The following PTPRN2 variants were observed in gnomAD, a reference collection of about 807,000 sequenced individuals.
PTPRN2 encodes receptor-type tyrosine-protein phosphatase N2.
PTPRN2 carries 74 observed loss-of-function variants against 118.8 expected under a neutral mutation model. That is an observed-to-expected ratio of 0.62 (90% CI 0.52 to 0.76). The LOEUF (loss-of-function observed/expected upper bound fraction) is 0.76. Among genes scored for constraint, PTPRN2 ranks in the 30% least tolerant of loss-of-function variants. PTPRN2 has a pLI of 0.00. For synonymous variants in PTPRN2, 641 were observed against 608.0 expected, an observed-to-expected ratio of 1.05 and a Z score of -0.80; for missense variants, 1,481 against 1,394.4, an observed-to-expected ratio of 1.06 and a Z score of -0.99.
rs1295930942 is a variant in PTPRN2, at chr7:157,974,885, TCAGG to T, written c.1724-76152_1724-76149del. On this transcript the variant is annotated intron_variant, in intron 11 of 22. Transcript: ENST00000389418. This position sits in a 1 kb window ranked among gnomAD's most constrained non-coding sequence, Gnocchi z 4.0. The stretch of plus-strand genomic sequence containing the variant: ...GGTGCCCACGTCCATCCCCAGCCCC[TCAGG>T]CATGTTCACCATCATGGCGCACATG... 1.3e-5 allele frequency among the ~76,000 whole-genome samples: 2 copies of T among 152,008 alleles called. No individual in the cohort carries two copies. Among genetic ancestry groups the T allele is most frequent in the East Asian group, 3.9e-4 (2 of 5,190 alleles).
chr7:157,921,387 T>C (rs6459817), intron 11 of PTPRN2, among the ~76,000 whole-genome samples: 83,590 of 152,052 alleles, frequency 0.55, 23,410 homozygotes, highest in Admixed American at 0.65. Flanking sequence ...CTCTGTTTGA[T>C]GCTATGATGA....
At chr7:158,273,772 GGA>G (rs1798714159) in intron 3 of PTPRN2, among the ~76,000 whole-genome samples, 1 of 130,254 alleles carries the variant, frequency 7.7e-6, no homozygotes, top group Non-Finnish European at 1.6e-5. Flanking sequence ...GACAGACATG[GGA>G]GGAGCCGCAG....
chr7:157,744,021 G>A (rs1435545783), intron 12 of PTPRN2, among the ~76,000 whole-genome samples: 1 of 152,234 alleles, frequency 6.6e-6, no homozygotes, highest in Non-Finnish European at 1.5e-5. Context: ...ACGTGCTCCG[G>A]GGCACGACTC....
At chr7:158,406,245 G>A (rs1455143074) in intron 2 of PTPRN2, among the ~76,000 whole-genome samples, 6 of 140,806 alleles carry the variant, frequency 4.3e-5, no homozygotes, top group South Asian at 2.5e-4. Flanking sequence ...CTGAGATCCC[G>A]GTGGCTCATC....
intron 2 of PTPRN2, among the ~76,000 whole-genome samples, chr7:158,476,524 G>A (rs922101364): frequency 4.6e-5 from 7 of 152,244 alleles, no homozygotes; most frequent in Admixed American, 2.0e-4. Context: ...CTGTGTCTCC[G>A]TGAAAATTCA....
chr7:157,746,819 C>T (rs138924159), intron 12 of PTPRN2, among the ~76,000 whole-genome samples: 207 of 152,252 alleles, frequency 1.4e-3, no homozygotes, highest in Middle Eastern at 6.8e-3. Flanking sequence ...GTGTGGGAAT[C>T]CGCATGTGTT....
chr7:158,167,281 C>T lies in PTPRN2; in HGVS notation c.560G>A (p.Arg187His), dbSNP rs192850596. The change falls in exon 6 of 23, where the codon CGC becomes CAC. Residue 187 changes from arginine to histidine, a missense_variant. Around this residue, in one of 3 missense-constraint regions of PTPRN2, gnomAD observed 1,115 missense variants for 994.2 expected, o/e 1.12. Transcript: ENST00000389418. ...QDRPPAEGDD[R>H]FSESILTYVA... ...ATAGGTCAGGATGCTCTCGGAGAAG[C>T]GGTCATCACCCTGAAGGAAAGGAGA... 61 of 1,596,892 alleles carry T rather than the reference C, an allele frequency of 3.8e-5. No homozygotes were observed. Among genetic ancestry groups the T allele is most frequent in the Admixed American group, 8.6e-5 (5 of 58,424 alleles).
chr7:158,444,094 G>C (rs1817565524), intron 2 of PTPRN2, among the ~76,000 whole-genome samples: 1 of 152,224 alleles, frequency 6.6e-6, no homozygotes, highest in South Asian at 2.1e-4. Context: ...AAGGGAGGGG[G>C]CCTGTGGGCA....
chr7:158,583,189 C>T (rs973556770), intron 1 of PTPRN2, among the ~76,000 whole-genome samples: 1 of 152,156 alleles, frequency 6.6e-6, no homozygotes, highest in African/African-American at 2.4e-5. Flanking sequence ...ACAAAACAAA[C>T]CCAGAATGCA....
intron 12 of PTPRN2, among the ~76,000 whole-genome samples, chr7:157,743,046 CCACT>C (rs1800723633): frequency 6.6e-6 from 1 of 152,130 alleles, no homozygotes; most frequent in African/African-American, 2.4e-5. Context: ...AATGAATGGA[CCACT>C]CACTGAGCCA....
At chr7:158,154,609 G>A (rs1398528976) in intron 6 of PTPRN2, among the ~76,000 whole-genome samples, 1 of 152,144 alleles carries the variant, frequency 6.6e-6, no homozygotes, top group Admixed American at 6.5e-5. Context: ...AGAACAGGAG[G>A]CATTTTCAGT....
intron 11 of PTPRN2, among the ~76,000 whole-genome samples, chr7:157,928,654 C>A (rs1799169337): frequency 1.7e-5 from 2 of 116,692 alleles, no homozygotes. Flanking sequence ...AGCACCAGGG[C>A]TGGGAGTGCA....
intron 13 of PTPRN2, among the ~76,000 whole-genome samples, chr7:157,681,102 T>G (rs10949656): frequency 0.41 from 62,518 of 151,498 alleles, 14,082 homozygotes; most frequent in Non-Finnish European, 0.52. Context: ...CAACCTGCAG[T>G]TTTTTTTTCA....
chr7:158,341,219 C>A (rs1446675096), intron 2 of PTPRN2, among the ~76,000 whole-genome samples: 1 of 151,182 alleles, frequency 6.6e-6, no homozygotes, highest in Non-Finnish European at 1.5e-5. Flanking sequence ...AGACGTCATT[C>A]ACACCCACAC....
chr7:157,635,902 G>C (rs552765711), intron 14 of PTPRN2, among the ~76,000 whole-genome samples: 2 of 152,234 alleles, frequency 1.3e-5, no homozygotes, highest in Non-Finnish European at 2.9e-5. Flanking sequence ...TGCATGAGCA[G>C]CTCTGGACCC....
rs564627347 is a variant in PTPRN2, at chr7:157,560,589, C to A, written c.2902+8313G>T. ...ACATCCCTCACTGTTTCTCTTGCAC[C>A]AGAATAGCTCAGGGGAAGGAAAGGC... On this transcript the variant is annotated intron_variant, in intron 21 of 22. Transcript: ENST00000389418. This position sits in a 1 kb window ranked among gnomAD's most constrained non-coding sequence, Gnocchi z 6.7. 6.6e-6 allele frequency among the ~76,000 whole-genome samples: 1 copy of A among 152,176 alleles called. No individual in the cohort carries two copies. The highest frequency in any genetic ancestry group is 1.9e-4 in the East Asian group (1 of 5,184).
intron 11 of PTPRN2, among the ~76,000 whole-genome samples, chr7:157,935,309 C>T (rs745367602): frequency 2.6e-5 from 4 of 152,160 alleles, no homozygotes; most frequent in African/African-American, 7.2e-5. Flanking sequence ...TAGAGGCCAC[C>T]TGGGCTCTTT....
intron 12 of PTPRN2, among the ~76,000 whole-genome samples, chr7:157,746,134 C>T (rs1302458343): frequency 2.0e-5 from 3 of 149,596 alleles, no homozygotes; most frequent in South Asian, 2.1e-4. Context: ...AGATCATGGG[C>T]CTCCCTACAC....
At chr7:158,206,014 C>CACTT in intron 3 of PTPRN2, among the ~76,000 whole-genome samples, 1 of 152,268 alleles carries the variant, frequency 6.6e-6, no homozygotes, top group South Asian at 2.1e-4. Flanking sequence ...GGAAGGACTA[C>CACTT]AATTCCTGGG....
Sources: allele counts gnomAD v4.1 joint callset (sites outside exome capture counted in the v4.1 genomes callset), GRCh38; gene constraint gnomAD v4.1.1; regional missense constraint gnomAD v4.1.1; non-coding constraint Gnocchi (gnomAD v3.1); transcripts MANE v1.5; gene names NCBI Gene and HGNC (gene_info 2026-07-23, HGNC 2026-07-21).